Variants in GALK2 observed in about 807,000 individuals in gnomAD.
The protein encoded by GALK2 is galactokinase 2.
A neutral mutation model predicts 52.4 loss-of-function variants in GALK2; 36 were observed. The ratio of observed to expected loss-of-function variants is 0.69; its 90% CI spans 0.53 to 0.91. GALK2 has a LOEUF of 0.91. Among genes scored for constraint, GALK2 ranks in the 40% least tolerant of loss-of-function variants. The probability of loss-of-function intolerance (pLI) is 0.00; values close to 1 mark genes in which losing one functional copy is unlikely to be tolerated. For synonymous variants in GALK2, 176 were observed against 199.1 expected (o/e 0.88, Z 0.98); for missense variants, 579 against 559.1 (o/e 1.04, Z -0.36).
chr15:49,256,062 G>T (rs79353462), intron 5 of GALK2, among the ~76,000 whole-genome samples: 1,530 of 152,230 alleles, frequency 0.01, 21 homozygotes, highest in African/African-American at 0.035. Flanking sequence ...TATTTCACTT[G>T]CAGTCACTTA....
chr15:49,367,698 G>C, exon 4 of GALK2: 1 of 1,204,814 alleles, frequency 8.3e-7, no homozygotes. Context: ...TTAGCATAAA[G>C]TTACCATTTG....
At position 49,292,472 on chromosome 15, in the gene GALK2, G is replaced by T; in HGVS notation, c.902G>T (p.Cys301Phe). The change falls in exon 8 of 10, where the codon TGC becomes TTC. Residue 301 changes from cysteine to phenylalanine, a missense_variant. Physicochemically the swap from Cys to Phe is radical, Grantham distance 205. Coordinates refer to ENST00000560031, the MANE Select transcript of GALK2 (RefSeq NM_002044.4). ...GAACCCTATAACCCTGAGGAGATCT[G>T]CAGGTGTCTGGGAATTAGCCTGGAG... ...HPEPYNPEEI[C>F]RCLGISLEEL... 6.2e-7 allele frequency: 1 copy of T among 1,614,020 alleles called. No homozygotes were observed. Among genetic ancestry groups the T allele is most frequent in the Non-Finnish European group, 8.5e-7 (1 of 1,179,976 alleles).
intron 3 of GALK2, among the ~76,000 whole-genome samples, chr15:49,359,547 T>G (rs1476242364): frequency 1.7e-5 from 2 of 116,962 alleles, no homozygotes; most frequent in Non-Finnish European, 3.7e-5. Flanking sequence ...AGATACCATC[T>G]CACACCAGTT....
chr15:49,360,266 A>G (rs1325149752), intron 3 of GALK2, among the ~76,000 whole-genome samples: 2 of 151,776 alleles, frequency 1.3e-5, no homozygotes, highest in Admixed American at 6.6e-5. Context: ...CTGTGTATGC[A>G]TGTGTGATAG....
chr15:49,216,450 C>T (rs1453141129), intron 2 of GALK2, among the ~76,000 whole-genome samples: 2 of 152,224 alleles, frequency 1.3e-5, no homozygotes, highest in East Asian at 1.9e-4. Flanking sequence ...AGGAATCTCT[C>T]CCCAAACTGC....
chr15:49,219,121 C>T (rs184411324), intron 3 of GALK2, among the ~76,000 whole-genome samples: 6 of 152,310 alleles, frequency 3.9e-5, no homozygotes, highest in African/African-American at 1.2e-4. Flanking sequence ...GCTACTGCAT[C>T]CGTCCTGGTT....
chr15:49,250,723 A>G (rs989684715), intron 5 of GALK2, among the ~76,000 whole-genome samples: 3 of 152,174 alleles, frequency 2.0e-5, no homozygotes, highest in Non-Finnish European at 4.4e-5. Flanking sequence ...CAGCCCTAAC[A>G]TTCTGTGATC....
intron 3 of GALK2, among the ~76,000 whole-genome samples, chr15:49,345,200 A>G (rs2151258205): frequency 6.6e-6 from 1 of 152,302 alleles, no homozygotes; most frequent in East Asian, 1.9e-4. Flanking sequence ...ATTATATACT[A>G]TTGGTATTGA....
chr15:49,201,069 TG>T, intron 1 of GALK2, 92 bp from the exon 2 acceptor site: 1 of 643,250 alleles, frequency 1.6e-6, no homozygotes, highest in Non-Finnish European at 2.8e-6. Context: ...TGTGTGTGTG[TG>T]TGTGTGTGTG....
intron 3 of GALK2, among the ~76,000 whole-genome samples, chr15:49,232,858 G>T (rs2090580611): frequency 6.6e-6 from 1 of 152,074 alleles, no homozygotes; most frequent in Non-Finnish European, 1.5e-5. Flanking sequence ...TTCTTAGCTG[G>T]GATTTCATTG....
intron 1 of GALK2, among the ~76,000 whole-genome samples, chr15:49,177,261 G>A (rs79979867): frequency 0.15 from 22,914 of 151,206 alleles, 2,236 homozygotes; most frequent in Non-Finnish European, 0.21. Context: ...TTTTTGCTAG[G>A]TTCCTATGTT....
intron 5 of GALK2, among the ~76,000 whole-genome samples, chr15:49,247,162 G>A (rs1034663044): frequency 2.0e-5 from 3 of 152,108 alleles, no homozygotes; most frequent in African/African-American, 7.2e-5. Context: ...AAAGCCCTAA[G>A]GTGAAAGAGA....
chr15:49,330,841 C>T lies in GALK2; in HGVS notation c.*2682C>T, dbSNP rs2038578073. On this transcript the variant is annotated 3_prime_UTR_variant, in exon 10 of 10. Coordinates refer to ENST00000560031, the MANE Select transcript of GALK2 (RefSeq NM_002044.4). ...TGGTGGCATGTGCCTGCTGTCCCAG[C>T]TACTCAGGAGGCTGAGGCAGGAGGA... The T allele has an allele frequency of 6.6e-6, 1 of 152,062 alleles. No homozygotes were observed. Among genetic ancestry groups the T allele is most frequent in the South Asian group, 2.1e-4 (1 of 4,812 alleles). The allele number at this position is 152,062 out of a possible 1,614,324, so 9.4% of individuals were successfully genotyped here.
chr15:49,324,052 A>G (rs1314629567), intron 9 of GALK2, among the ~76,000 whole-genome samples: 2 of 152,246 alleles, frequency 1.3e-5, no homozygotes, highest in East Asian at 1.9e-4. Flanking sequence ...AGTCAGTTAT[A>G]TGTGAGACAG....
chr15:49,297,586 A>G (rs2034595609), intron 8 of GALK2, among the ~76,000 whole-genome samples: 1 of 152,118 alleles, frequency 6.6e-6, no homozygotes, highest in Non-Finnish European at 1.5e-5. Context: ...TTTTTAATCT[A>G]CCTTGAGTTG....
At chr15:49,315,735 C>T (rs985597287) in intron 8 of GALK2, among the ~76,000 whole-genome samples, 1 of 152,136 alleles carries the variant, frequency 6.6e-6, no homozygotes, top group African/African-American at 2.4e-5. Flanking sequence ...CAAGAGTCCT[C>T]GTTAGACATT....
At chr15:49,167,730 G>T (rs2084868184), upstream of GALK2, among the ~76,000 whole-genome samples, 3 of 152,106 alleles carry the variant, frequency 2.0e-5, no homozygotes, top group African/African-American at 4.8e-5. Context: ...AAATTGAAAA[G>T]GAAATAATAT....
chr15:49,156,978 A>G, intron 1 of GALK2: 3 of 305,156 alleles, frequency 9.8e-6, no homozygotes, highest in South Asian at 9.0e-5. Context: ...TCCTCTTAAT[A>G]TTTATTGAGC....
rs192400545 is a variant in GALK2 at position 49,215,496 on chromosome 15, A to G, written c.143-1694A>G. On this transcript the variant is annotated intron_variant, in intron 2 of 9. Coordinates refer to ENST00000560031, the MANE Select transcript of GALK2 (RefSeq NM_002044.4). ...TCAGGTTCACTATTTATTTTTCTTG[A>G]TCGATTCTGCTGTTGAGAGACTCTG... Among the ~76,000 whole-genome samples the G allele has an allele frequency of 4.0e-5, 6 of 151,628 alleles. No homozygotes were observed. The East Asian group carries it at 7.7e-4, about 20-fold the overall frequency.
Sources: gnomAD v4.1 joint callset for allele counts (sites outside exome capture counted in the v4.1 genomes callset) on GRCh38, gnomAD v4.1.1 for gene constraint, MANE v1.5 for transcripts, NCBI Gene and HGNC (gene_info 2026-07-23, HGNC 2026-07-21) for gene names.